The following C11orf98 variants were observed in gnomAD, a reference collection of about 807,000 sequenced individuals.
C11orf98 encodes 28S rRNA/ribosome and sororin micro-cofactor.
A neutral mutation model predicts 10.9 loss-of-function variants in C11orf98; 7 were observed. That is an observed-to-expected ratio of 0.64 (90% CI 0.37 to 1.21). C11orf98 has a LOEUF of 1.21. C11orf98 is among the 50% of genes most tolerant of loss of function. The pLI is 0.02. For synonymous variants in C11orf98, 70 were observed against 57.2 expected (o/e 1.22, Z -1.01); for missense variants, 181 against 153.7 (o/e 1.18, Z -0.94).
intron 1 of C11orf98, 62 bp from the exon 2 acceptor site, chr11:62,665,035 C>A: frequency 6.3e-7 from 1 of 1,596,600 alleles, no homozygotes; most frequent in Non-Finnish European, 8.5e-7. Context: ...GGCCCCTCCA[C>A]CAGGCAGCCC....
chr11:62,664,907 C>G lies in C11orf98; in HGVS notation c.106G>C (p.Val36Leu). The change falls in exon 2 of 4, where the codon GTG becomes CTG. Residue 36 changes from valine (V) to leucine (L), a missense_variant. Transcript: ENST00000524958. ...LNRERRLRHR[V>L]VGAVIDQGLI... ...CCTTGGTCTATCACAGCCCCGACCA[C>G]CCGGTGCCTCAGACGCCGCTCCCGA... 6.3e-7 allele frequency: 1 copy of G among 1,599,458 alleles called. No individual in the cohort carries two copies. The highest frequency in any genetic ancestry group is 8.5e-7 in the Non-Finnish European group (1 of 1,173,374).
Position 62,662,914 on chromosome 11 carries a change from C to T in C11orf98, c.*136G>A. On this transcript the variant is annotated 3_prime_UTR_variant, in exon 4 of 4. Transcript: ENST00000524958. ...CTTCTTCCCTCCCAAAGACATCCCTCTAGGGGAGGTCAGTAGGCCATTAGG... is the reference window on the plus strand; with the variant it reads ...CTTCTTCCCTCCCAAAGACATCCCTTTAGGGGAGGTCAGTAGGCCATTAGG... The T allele has an allele frequency of 3.0e-6, 2 of 671,184 alleles. No individual in the cohort carries two copies. Among genetic ancestry groups the T allele is most frequent in the East Asian group, 2.7e-5 (1 of 37,036 alleles). The allele number at this position is 671,184 out of a possible 1,614,324, so 41.6% of individuals were successfully genotyped here.
chr11:62,664,561 C>T (rs1944742433), intron 2 of C11orf98, among the ~76,000 whole-genome samples: 1 of 152,090 alleles, frequency 6.6e-6, no homozygotes. Context: ...GAACTCCCGA[C>T]CTCAGGTGAT....
At chr11:62,664,673 G>A (rs1944745613) in intron 2 of C11orf98, among the ~76,000 whole-genome samples, 176 bp downstream of exon 2, 2 of 152,142 alleles carry the variant, frequency 1.3e-5, no homozygotes, top group Non-Finnish European at 1.5e-5. Context: ...AAGAAAGGTT[G>A]TCTGCTACAG....
chr11:62,664,333 T>A (rs1017032112), intron 2 of C11orf98, among the ~76,000 whole-genome samples: 7 of 138,456 alleles, frequency 5.1e-5, no homozygotes, highest in Admixed American at 1.4e-4. Context: ...ATTCTTTTTT[T>A]TTTTTTTTTT....
intron 2 of C11orf98, among the ~76,000 whole-genome samples, chr11:62,664,222 T>A (rs1266237095): frequency 6.6e-6 from 1 of 151,898 alleles, no homozygotes; most frequent in East Asian, 1.9e-4. Context: ...TTTATGCGCC[T>A]ATGTGTGCAC....
chr11:62,664,519 C>CG, intron 2 of C11orf98, among the ~76,000 whole-genome samples: 1 of 151,984 alleles, frequency 6.6e-6, no homozygotes, highest in Admixed American at 6.6e-5. Flanking sequence ...TTAGCAAAAA[C>CG]GGGGTTTCAC....
At chr11:62,664,813 TG>T in intron 2 of C11orf98, 35 bp downstream of exon 2, 1 of 1,551,646 alleles carries the variant, frequency 6.4e-7, no homozygotes, top group Non-Finnish European at 8.7e-7. Flanking sequence ...GAAGACTCGG[TG>T]GGGACGACCA....
intron 2 of C11orf98, 76 bp from the exon 3 acceptor site, chr11:62,663,409 G>A: frequency 1.4e-6 from 2 of 1,473,018 alleles, no homozygotes; most frequent in South Asian, 2.5e-5. Context: ...TCTGGCTATA[G>A]AAAAAGTATT....
In C11orf98 at chr11:62,664,859, T is replaced by G; in HGVS notation, c.154A>C (p.Lys52Gln). Reference sequence around the variant, plus strand: ...GGGTCTAGTACTTACGCCCGCTTCTTGAGGTGGTGCCGCGTGATCAGCCCT... The same window carrying G: ...GGGTCTAGTACTTACGCCCGCTTCTGGAGGTGGTGCCGCGTGATCAGCCCT... ...DQGLITRHHL[K>Q]KRASSARANI... Residue 52 changes from lysine to glutamine, a missense_variant, in exon 2 of 4, where the codon AAG (lysine) becomes CAG (glutamine). Transcript: ENST00000524958. 1 of 1,571,268 alleles carries G rather than the reference T, an allele frequency of 6.4e-7. No individual in the cohort carries two copies.
chr11:62,664,639 ATTC>A lies in C11orf98; in HGVS notation c.164+207_164+209del, dbSNP rs1944744473. Among the ~76,000 whole-genome samples, 4 of 152,226 alleles carry A rather than the reference ATTC, an allele frequency of 2.6e-5. No homozygotes were observed. In the South Asian group the frequency reaches 8.3e-4, roughly 32 times the overall value. ...AGCCACCATCCCCGGCTTTCCTGAG[ATTC>A]TTAACAGAATCCAAAACCCAAAGAA... On this transcript the variant is annotated intron_variant, in intron 2 of 3. Coordinates refer to ENST00000524958, the MANE Select transcript of C11orf98 (RefSeq NM_001286086.2).
chr11:62,664,969 A>G lies in C11orf98; in HGVS notation c.44T>C (p.Leu15Pro). 2 of 1,611,508 alleles carry G rather than the reference A, an allele frequency of 1.2e-6. No homozygotes were observed. The change falls in exon 2 of 4, where the codon CTG becomes CCG. Residue 15 changes from leucine (L) to proline (P), a missense_variant. Coordinates refer to ENST00000524958, the MANE Select transcript of C11orf98 (RefSeq NM_001286086.2). ...GGKINRPRTE[L>P]KKKLFKRRRV... ...CCGGCGTTTGAACAGCTTCTTCTTC[A>G]GCTCCTGCCGGGGAGAAAGATGCGA...
At position 62,664,961 on chromosome 11, in the gene C11orf98, T is replaced by G. The variant is rs751174108; in HGVS notation, c.52A>C (p.Lys18Gln). 7 of 1,611,966 alleles carry G rather than the reference T, an allele frequency of 4.3e-6. No homozygotes were observed. The South Asian group carries it at 4.4e-5, about 10-fold the overall frequency. Residue 18 changes from lysine to glutamine, a missense_variant, in exon 2 of 4, where the codon AAG (lysine) becomes CAG (glutamine). Coordinates refer to ENST00000524958, the MANE Select transcript of C11orf98 (RefSeq NM_001286086.2). The stretch of plus-strand genomic sequence containing the variant: ...AACACCCGCCGGCGTTTGAACAGCT[T>G]CTTCTTCAGCTCCTGCCGGGGAGAA... ...INRPRTELKK[K>Q]LFKRRRVLNR...
Position 62,662,873 on chromosome 11 carries a change from A to C in C11orf98, c.*177T>G, listed in dbSNP as rs1944693923. The C allele has an allele frequency of 8.3e-6, 5 of 599,260 alleles. No homozygotes were observed. The Admixed American group carries it at 1.2e-4, about 14-fold the overall frequency. The allele number at this position is 599,260 out of a possible 1,614,324, so 37.1% of individuals were successfully genotyped here. A position where few individuals can be genotyped will look rare whatever the true frequency, so the allele number is the denominator to read the frequency against. ...TTGACTGCTAGAGAGGCCCTTCTCC[A>C]ATCTTTCTTCTGTACCTTCTTCCCT... On this transcript the variant is annotated 3_prime_UTR_variant, in exon 4 of 4. Coordinates refer to ENST00000524958, the MANE Select transcript of C11orf98 (RefSeq NM_001286086.2).
chr11:62,663,090 G>A lies in C11orf98; in HGVS notation c.332C>T (p.Pro111Leu). 6.2e-7 allele frequency: 1 copy of A among 1,612,754 alleles called. No individual in the cohort carries two copies. Among genetic ancestry groups the A allele is most frequent in the South Asian group, 1.1e-5 (1 of 91,044 alleles). The change falls in exon 4 of 4, where the codon CCC becomes CTC. Residue 111 changes from proline (P) to leucine (L), a missense_variant. Physicochemically the swap from Pro to Leu is moderately conservative, Grantham distance 98 (BLOSUM62 -3). Transcript: ENST00000524958. ...QLKRQKKTKA[P>L]QDVEMKDLED... ...AAGGTCCTTCATTTCTACATCCTGG[G>A]GGGCTTTTGTCTTCTTTTGCCTTTT...
intron 2 of C11orf98, among the ~76,000 whole-genome samples, chr11:62,663,712 A>T (rs937280557): frequency 1.8e-4 from 27 of 149,142 alleles, no homozygotes; most frequent in Admixed American, 1.3e-3. Context: ...AAAAAAAAGG[A>T]AAAGTATTAA....
chr11:62,662,874 ATCTT>A lies in C11orf98; in HGVS notation c.*172_*175del. The A allele has an allele frequency of 1.7e-6, 1 of 600,028 alleles. No individual in the cohort carries two copies. Among genetic ancestry groups the A allele is most frequent in the Non-Finnish European group, 2.9e-6 (1 of 340,466 alleles). 37.2% of individuals were successfully genotyped at this position (600,028 alleles called of 1,614,324 possible). The stretch of plus-strand genomic sequence containing the variant: ...TGACTGCTAGAGAGGCCCTTCTCCA[ATCTT>A]TCTTCTGTACCTTCTTCCCTCCCAA... On this transcript the variant is annotated 3_prime_UTR_variant, in exon 4 of 4. Transcript: ENST00000524958.
rs748796273 is a variant in C11orf98 at position 62,663,314 on chromosome 11, T to G, written c.184A>C (p.Ile62Leu). ...CTGCGCTTCTTCCCTGACAGTGTAA[T>G]GTTGGCACGTGCACTGGACCTGATG... ...KKRASSARAN[I>L]TLSGKKRRKL... The change falls in exon 3 of 4, where the codon ATT becomes CTT. Residue 62 changes from isoleucine (I) to leucine (L), a missense_variant. Coordinates refer to ENST00000524958, the MANE Select transcript of C11orf98 (RefSeq NM_001286086.2). 3.3e-5 allele frequency: 54 copies of G among 1,614,052 alleles called. No individual in the cohort carries two copies. In the South Asian group the frequency reaches 5.8e-4, roughly 17 times the overall value.
intron 2 of C11orf98, among the ~76,000 whole-genome samples, chr11:62,664,624 C>T (rs1944743917): frequency 6.6e-6 from 1 of 152,160 alleles, no homozygotes; most frequent in Admixed American, 6.6e-5. Flanking sequence ...AGCCACCATC[C>T]CCGGCTTTCC....
Sources: allele counts gnomAD v4.1 joint callset (sites outside exome capture counted in the v4.1 genomes callset), GRCh38; gene constraint gnomAD v4.1.1; transcripts MANE v1.5; gene names NCBI Gene and HGNC (gene_info 2026-07-23, HGNC 2026-07-21).